CCDC181: variants seen among roughly 807,000 people sequenced by gnomAD.
CCDC181 encodes the protein coiled-coil domain-containing protein 181.
In CCDC181, 35 loss-of-function variants were observed where a neutral mutation model predicts 58.7. That is an observed-to-expected ratio of 0.60 (90% CI 0.46 to 0.79). The LOEUF (loss-of-function observed/expected upper bound fraction) is 0.79, where lower values mean the gene tolerates loss of function less well. Ranked by LOEUF, CCDC181 falls within the 30% of genes least tolerant of loss-of-function variation. CCDC181 has a pLI of 0.00. For missense variants in CCDC181, 517 were observed against 583.9 expected (o/e 0.89, Z 1.18); for synonymous variants, 183 against 197.5 (o/e 0.93, Z 0.62).
intron 2 of CCDC181, among the ~76,000 whole-genome samples, chr1:169,456,364 C>T (rs2101762377): frequency 6.6e-6 from 1 of 152,152 alleles, no homozygotes; most frequent in Middle Eastern, 3.4e-3. Flanking sequence ...CTCGCATAAG[C>T]CCAATTTATA....
chr1:169,422,880 G>A (rs1292705415), intron 2 of CCDC181, among the ~76,000 whole-genome samples: 1 of 151,438 alleles, frequency 6.6e-6, no homozygotes, highest in Non-Finnish European at 1.5e-5. Flanking sequence ...ACTATACTCA[G>A]AGATTTCAGA....
Position 169,419,071 on chromosome 1 carries a change from T to C in CCDC181, c.1157A>G (p.Gln386Arg). 1 of 1,613,786 alleles carries C rather than the reference T, an allele frequency of 6.2e-7. No individual in the cohort carries two copies. Among genetic ancestry groups the C allele is most frequent in the African/African-American group, 1.3e-5 (1 of 75,056 alleles). ...FKAWLQKKREQVLEMRRIQRA... is the reference protein window; with the variant it reads ...FKAWLQKKRERVLEMRRIQRA... ...CTGAATTCTCCTCATTTCTAAGACC[T>C]GCTCTCTTTTCTTTTGCAACCACGC... The change falls in exon 4 of 6, where the codon CAG (glutamine) becomes CGG (arginine). Residue 386 changes from glutamine (Q) to arginine (R), a missense_variant. Physicochemically the swap from Gln to Arg is conservative, Grantham distance 43. Coordinates refer to ENST00000367806, the MANE Select transcript of CCDC181 (RefSeq NM_001300969.2).
At chr1:169,415,544 T>G (rs1228950078) in intron 4 of CCDC181, among the ~76,000 whole-genome samples, 1 of 152,206 alleles carries the variant, frequency 6.6e-6, no homozygotes, top group Non-Finnish European at 1.5e-5. Flanking sequence ...AGGCTGCATT[T>G]TCTACCATAC....
chr1:169,438,736 G>T (rs1657123831), intron 2 of CCDC181, among the ~76,000 whole-genome samples: 1 of 152,262 alleles, frequency 6.6e-6, no homozygotes, highest in South Asian at 2.1e-4. Context: ...AGAGCGAATA[G>T]CCACCCTGAG....
upstream of CCDC181, among the ~76,000 whole-genome samples, chr1:169,431,996 A>T (rs1040268186): frequency 1.3e-5 from 2 of 152,200 alleles, no homozygotes; most frequent in Non-Finnish European, 2.9e-5. Context: ...TACAGAGAAA[A>T]GTATAAAGTT....
intron 2 of CCDC181, among the ~76,000 whole-genome samples, chr1:169,433,548 A>T (rs1167071523): frequency 6.6e-6 from 1 of 152,068 alleles, no homozygotes; most frequent in Admixed American, 6.5e-5. Flanking sequence ...TAAAGCTAAA[A>T]TAATTTAAAC....
chr1:169,454,166 AT>A (rs1333910106), intron 2 of CCDC181, among the ~76,000 whole-genome samples: 1 of 152,016 alleles, frequency 6.6e-6, no homozygotes, highest in Non-Finnish European at 1.5e-5. Context: ...TTTTAGATGT[AT>A]TTTTTAAACA....
intron 4 of CCDC181, among the ~76,000 whole-genome samples, chr1:169,411,782 C>T (rs1655976757): frequency 1.3e-5 from 2 of 152,120 alleles, no homozygotes; most frequent in African/African-American, 4.8e-5. Context: ...AAAAACCACA[C>T]AATTATCTCA....
intron 4 of CCDC181, among the ~76,000 whole-genome samples, chr1:169,401,628 C>G (rs1655353292): frequency 1.3e-5 from 2 of 152,080 alleles, no homozygotes; most frequent in Non-Finnish European, 2.9e-5. Flanking sequence ...GAAAGGACAT[C>G]CACACCAAAA....
intron 2 of CCDC181, among the ~76,000 whole-genome samples, chr1:169,449,344 G>A (rs1420447527): frequency 1.3e-5 from 2 of 152,162 alleles, no homozygotes; most frequent in Non-Finnish European, 2.9e-5. Context: ...CATGCCATAA[G>A]CTTCCAATTT....
intron 2 of CCDC181, among the ~76,000 whole-genome samples, chr1:169,434,039 A>G (rs970258078): frequency 2.0e-4 from 30 of 152,030 alleles, no homozygotes; most frequent in Admixed American, 9.8e-4. Flanking sequence ...TCTAATGTTC[A>G]TAGGTATCCA....
At chr1:169,402,426 A>G (rs1655404659) in intron 4 of CCDC181, among the ~76,000 whole-genome samples, 1 of 152,206 alleles carries the variant, frequency 6.6e-6, no homozygotes, top group African/African-American at 2.4e-5. Flanking sequence ...GTTACCCACA[A>G]AGGGAAGCCC....
intron 2 of CCDC181, among the ~76,000 whole-genome samples, chr1:169,435,218 A>G (rs1175272944): frequency 6.6e-6 from 1 of 152,126 alleles, no homozygotes; most frequent in African/African-American, 2.4e-5. Flanking sequence ...GAAAGAAGCC[A>G]GACACAAAAG....
rs1571469520 is a variant in CCDC181, at chr1:169,405,851, A to T, written c.1216-8460T>A. On this transcript the variant is annotated intron_variant, in intron 4 of 5. Coordinates refer to ENST00000367806, the MANE Select transcript of CCDC181 (RefSeq NM_001300969.2). Reference sequence around the variant, plus strand: ...CTTCTGCACAGCAAAAGAAACTACCATCAGAGTGAACAGGCAACCTACAGA... The same window carrying T: ...CTTCTGCACAGCAAAAGAAACTACCTTCAGAGTGAACAGGCAACCTACAGA... 3.3e-5 allele frequency among the ~76,000 whole-genome samples: 5 copies of T among 152,358 alleles called. 1 individual carries two copies. In the South Asian group the frequency reaches 1.0e-3, roughly 32 times the overall value.
At chr1:169,405,401 A>G (rs1023674001) in intron 4 of CCDC181, among the ~76,000 whole-genome samples, 1 of 152,258 alleles carries the variant, frequency 6.6e-6, no homozygotes, top group African/African-American at 2.4e-5. Flanking sequence ...ACCTGACTGC[A>G]AACTACACTG....
chr1:169,437,872 A>T (rs760152900), intron 2 of CCDC181, among the ~76,000 whole-genome samples: 4 of 152,228 alleles, frequency 2.6e-5, no homozygotes, highest in Non-Finnish European at 4.4e-5. Context: ...AAAAGTAAAC[A>T]TTTGCAAGAT....
chr1:169,431,752 A>G (rs1193513719), upstream of CCDC181, among the ~76,000 whole-genome samples: 1 of 152,150 alleles, frequency 6.6e-6, no homozygotes, highest in Non-Finnish European at 1.5e-5. Context: ...ATGAGAGTCA[A>G]TGAGCAGTAA....
chr1:169,440,189 C>T (rs147546715), intron 2 of CCDC181, among the ~76,000 whole-genome samples: 11 of 152,276 alleles, frequency 7.2e-5, no homozygotes, highest in African/African-American at 2.4e-4. Context: ...TTGGCAGCAC[C>T]CCACCAGTAG....
At chr1:169,450,385 C>G (rs1011585183) in intron 2 of CCDC181, among the ~76,000 whole-genome samples, 2 of 152,168 alleles carry the variant, frequency 1.3e-5, no homozygotes, top group Non-Finnish European at 2.9e-5. Context: ...TTTCCCTTCC[C>G]TTCAGCTCCT....
Sources: allele counts gnomAD v4.1 joint callset (sites outside exome capture counted in the v4.1 genomes callset), GRCh38; gene constraint gnomAD v4.1.1; transcripts MANE v1.5; gene names NCBI Gene and HGNC (gene_info 2026-07-23, HGNC 2026-07-21).